SLC35D4: variants seen among roughly 807,000 people sequenced by gnomAD.
SLC35D4 encodes the protein UDP-N-acetylglucosamine transporter SLC35D4.
the SLC35D4 span, among the ~76,000 whole-genome samples, chr18:23,316,585 T>C: frequency 6.6e-6 from 1 of 152,220 alleles, no homozygotes; most frequent in Non-Finnish European, 1.5e-5. Context: ...CATCAAAATA[T>C]ATGAACCATT....
the SLC35D4 span, among the ~76,000 whole-genome samples, chr18:23,239,703 T>C: frequency 6.6e-6 from 1 of 152,174 alleles, no homozygotes; most frequent in African/African-American, 2.4e-5. Flanking sequence ...CCTTACCCAG[T>C]AGAGAACTAA....
chr18:23,293,287 C>CA, the SLC35D4 span, among the ~76,000 whole-genome samples: 1 of 152,046 alleles, frequency 6.6e-6, no homozygotes. Flanking sequence ...CAGCCATGAC[C>CA]AACAGACATA....
the SLC35D4 span, among the ~76,000 whole-genome samples, chr18:23,337,774 GT>G: frequency 6.6e-6 from 1 of 152,322 alleles, no homozygotes; most frequent in South Asian, 2.1e-4. Flanking sequence ...ATGTCAACAT[GT>G]CACTGAAGAA....
At chr18:23,365,976 A>G in the SLC35D4 span, among the ~76,000 whole-genome samples, 1 of 152,192 alleles carries the variant, frequency 6.6e-6, no homozygotes, top group Non-Finnish European at 1.5e-5. Context: ...CACCTAATCT[A>G]CCAAGAGTAT....
At chr18:23,306,685 G>T in the SLC35D4 span, among the ~76,000 whole-genome samples, 1 of 152,174 alleles carries the variant, frequency 6.6e-6, no homozygotes, top group Non-Finnish European at 1.5e-5. Flanking sequence ...GATAATACTG[G>T]TAAAGAAATG....
At chr18:23,287,250 T>G in the SLC35D4 span, among the ~76,000 whole-genome samples, 1 of 152,144 alleles carries the variant, frequency 6.6e-6, no homozygotes, top group Non-Finnish European at 1.5e-5. Flanking sequence ...CCATATACTC[T>G]CCTATCCTCA....
chr18:23,395,729 T>C, the SLC35D4 span, among the ~76,000 whole-genome samples: 24 of 152,194 alleles, frequency 1.6e-4, no homozygotes, highest in Non-Finnish European at 3.1e-4. Context: ...CAGGAAATTA[T>C]AAGAAGAGTC....
At chr18:23,273,838 C>T in the SLC35D4 span, among the ~76,000 whole-genome samples, 156 of 152,202 alleles carry the variant, frequency 1.0e-3, no homozygotes, top group South Asian at 2.7e-3. Context: ...TACTGTGTGC[C>T]GGTATGCTAA....
chr18:23,290,528 G>A, the SLC35D4 span, among the ~76,000 whole-genome samples: 1 of 152,146 alleles, frequency 6.6e-6, no homozygotes, highest in South Asian at 2.1e-4. Context: ...TGCATATTTT[G>A]GAAGAGAAAT....
At chr18:23,287,352 C>T in the SLC35D4 span, among the ~76,000 whole-genome samples, 1 of 152,328 alleles carries the variant, frequency 6.6e-6, no homozygotes, top group South Asian at 2.1e-4. Flanking sequence ...CCTCTCTTCG[C>T]TTTCACTTGG....
the SLC35D4 span, among the ~76,000 whole-genome samples, chr18:23,249,928 C>T: frequency 2.6e-5 from 4 of 152,206 alleles, no homozygotes; most frequent in Non-Finnish European, 5.9e-5. Flanking sequence ...AGGATCCCAG[C>T]GCTGGCCCCT....
chr18:23,411,483 TAGAAAGAAAGAAAGAAAGAAAGAAAGAA>T, the SLC35D4 span, among the ~76,000 whole-genome samples: 198 of 91,806 alleles, frequency 2.2e-3, 1 homozygote, highest in African/African-American at 7.0e-3. Context: ...AAGAAAGAGA[TAGAAAGAAAGAAAGAAAGAAAGAAAGAA>T]AGAAAGAAAG....
At chr18:23,385,290 C>T in the SLC35D4 span, among the ~76,000 whole-genome samples, 1 of 152,196 alleles carries the variant, frequency 6.6e-6, no homozygotes, top group Non-Finnish European at 1.5e-5. Context: ...CATCAACAAA[C>T]ATTTAAGTCT....
chr18:23,416,010 C>T, the SLC35D4 span, among the ~76,000 whole-genome samples: 1 of 152,108 alleles, frequency 6.6e-6, no homozygotes, highest in Non-Finnish European at 1.5e-5. Flanking sequence ...GAGTTCGAGA[C>T]CAGCCTGACC....
At chr18:23,341,747 A>C in the SLC35D4 span, among the ~76,000 whole-genome samples, 1 of 152,162 alleles carries the variant, frequency 6.6e-6, no homozygotes, top group Non-Finnish European at 1.5e-5. Context: ...AGAGAGAGAG[A>C]GGGGAGATTG....
At chr18:23,384,006 G>GGC in the SLC35D4 span, among the ~76,000 whole-genome samples, 1 of 138,106 alleles carries the variant, frequency 7.2e-6, no homozygotes, top group Non-Finnish European at 1.6e-5. Flanking sequence ...AAAATTGGGG[G>GGC]GGGGGGGTGT....
At chr18:23,432,763 G>A in the SLC35D4 span, among the ~76,000 whole-genome samples, 3 of 151,394 alleles carry the variant, frequency 2.0e-5, no homozygotes, top group Non-Finnish European at 4.4e-5. Flanking sequence ...AGGCCAAGGC[G>A]GGAGCCCAGG....
the SLC35D4 span, chr18:23,399,679 T>C: frequency 5.6e-6 from 9 of 1,609,546 alleles, no homozygotes; most frequent in African/African-American, 1.1e-4. Flanking sequence ...AATAACACTT[T>C]TGCCACTTTT....
chr18:23,326,079 G>C, the SLC35D4 span, among the ~76,000 whole-genome samples: 2 of 152,176 alleles, frequency 1.3e-5, no homozygotes, highest in Non-Finnish European at 2.9e-5. Context: ...CAAAATGCTG[G>C]GGGACCAGCA....
Sources: allele counts gnomAD v4.1 joint callset (sites outside exome capture counted in the v4.1 genomes callset), GRCh38; gene constraint gnomAD v4.1.1; transcripts MANE v1.5; gene names NCBI Gene and HGNC (gene_info 2026-07-23, HGNC 2026-07-21).